Variants in COBLL1 observed in about 807,000 individuals in gnomAD.
COBLL1 encodes the protein cordon-bleu WH2 repeat protein like 1, also known as cordon-bleu protein-like 1.
Under a neutral mutation model 94.8 loss-of-function variants are expected in COBLL1, and 50 were observed. The observed-to-expected ratio is 0.53, with a 90% CI of 0.42 to 0.67. The LOEUF is 0.67. Among genes scored for constraint, COBLL1 ranks in the 30% least tolerant of loss-of-function variants. The pLI is 0.00. For synonymous variants in COBLL1, 448 were observed against 473.8 expected (o/e 0.95, Z 0.71); for missense variants, 1,362 against 1,348.7 (o/e 1.01, Z -0.15).
At chr2:164,706,912 A>C (rs937311855) in intron 7 of COBLL1, among the ~76,000 whole-genome samples, 1 of 152,134 alleles carries the variant, frequency 6.6e-6, no homozygotes, top group Non-Finnish European at 1.5e-5. Context: ...AAAACCCACT[A>C]ATAGTTCCCT....
rs1442103165 is a variant in COBLL1 at position 164,681,754 on chromosome 2, AAAGT to A, written c.*4188_*4191del. ...GTAGCATTTTTTTTCTTCTCCAAGA[AAAGT>A]AATTAGCAAGACTTACAAATGATTT... On this transcript the variant is annotated 3_prime_UTR_variant, in exon 14 of 14. Transcript: ENST00000652658. 1 of 152,200 alleles carries A rather than the reference AAAGT, an allele frequency of 6.6e-6. No homozygotes were observed. The highest frequency in any genetic ancestry group is 2.4e-5 in the African/African-American group (1 of 41,458). The allele number at this position is 152,200 out of a possible 1,614,324, so 9.4% of individuals were successfully genotyped here.
At chr2:164,754,311 C>T (rs1385234043) in intron 2 of COBLL1, among the ~76,000 whole-genome samples, 1 of 152,116 alleles carries the variant, frequency 6.6e-6, no homozygotes, top group Admixed American at 6.5e-5. Flanking sequence ...CAGTCTCCTC[C>T]CTTTGTACGT....
intron 2 of COBLL1, chr2:164,771,828 A>G (rs2105251518): frequency 6.6e-6 from 1 of 152,138 alleles, no homozygotes; most frequent in East Asian, 1.9e-4. Flanking sequence ...AAATCTACAG[A>G]AAAGTCATCC....
At position 164,803,769 on chromosome 2, in the gene COBLL1, C is replaced by T. The variant is rs75996479; in HGVS notation, c.41+37387G>A. On this transcript the variant is annotated intron_variant, in intron 2 of 13. Coordinates refer to ENST00000652658, the MANE Select transcript of COBLL1 (RefSeq NM_001365672.2). ...TAATCACAAATATGTATTATACACA[C>T]GAAGACAGCCAAGGTAGTAAGCCCT... Among the ~76,000 whole-genome samples the T allele has an allele frequency of 3.7e-3, 566 of 152,010 alleles. 7 individuals carry two copies. Among genetic ancestry groups the T allele is most frequent in the African/African-American group, 0.012 (518 of 41,466 alleles).
rs972452374 is a variant in COBLL1 at position 164,745,219 on chromosome 2, G to A, written c.42-1344C>T. 3.9e-5 allele frequency among the ~76,000 whole-genome samples: 6 copies of A among 152,046 alleles called. No individual in the cohort carries two copies. In the East Asian group the frequency reaches 5.8e-4, roughly 15 times the overall value. On this transcript the variant is annotated intron_variant, in intron 2 of 13. Coordinates refer to ENST00000652658, the MANE Select transcript of COBLL1 (RefSeq NM_001365672.2). ...CAACTCCTTTAACATATGACTCATC[G>A]TGAAAAGACTGAAGCAAGGTTCCTA...
intron 2 of COBLL1, among the ~76,000 whole-genome samples, chr2:164,789,520 A>C (rs947171161): frequency 2.0e-4 from 30 of 152,128 alleles, no homozygotes; most frequent in African/African-American, 7.0e-4. Flanking sequence ...GAGGAATAAG[A>C]ATATGTGGGG....
At position 164,807,925 on chromosome 2, in the gene COBLL1, T is replaced by G. The variant is rs186888096; in HGVS notation, c.41+33231A>C. Among the ~76,000 whole-genome samples the G allele has an allele frequency of 3.4e-3, 511 of 152,244 alleles. 1 individual carries two copies. Among genetic ancestry groups the G allele is most frequent in the Admixed American group, 5.7e-3 (87 of 15,288 alleles). ...ACCTCTGCCTCCCAGGTTCAAGCAA[T>G]TCTTGTGCCTCAGTCCCCCGAGTAG... On this transcript the variant is annotated intron_variant, in intron 2 of 13. Transcript: ENST00000652658.
chr2:164,786,534 A>C (rs1688964072), intron 2 of COBLL1, among the ~76,000 whole-genome samples: 2 of 152,188 alleles, frequency 1.3e-5, no homozygotes, highest in African/African-American at 4.8e-5. Context: ...AACAGCAAGC[A>C]GCTCAGTTTC....
chr2:164,705,255 A>G (rs6738916), intron 7 of COBLL1, 150 bp from the exon 8 acceptor site: 43,144 of 492,042 alleles, frequency 0.088, 3,156 homozygotes, highest in African/African-American at 0.29. Flanking sequence ...TCTGCCACAC[A>G]CAGAAGCTGG....
At chr2:164,769,706 G>C (rs1688111688) in intron 2 of COBLL1, among the ~76,000 whole-genome samples, 1 of 152,042 alleles carries the variant, frequency 6.6e-6, no homozygotes, top group Non-Finnish European at 1.5e-5. Flanking sequence ...TTTAAAAAGA[G>C]TAATTGCACA....
intron 5 of COBLL1, chr2:164,724,637 C>T (rs987823840): frequency 6.6e-6 from 1 of 152,046 alleles, no homozygotes; most frequent in African/African-American, 2.4e-5. Flanking sequence ...AATATAATTT[C>T]AATAACATTT....
chr2:164,807,835 A>G (rs1684253923), intron 2 of COBLL1, among the ~76,000 whole-genome samples: 1 of 151,490 alleles, frequency 6.6e-6, no homozygotes, highest in Non-Finnish European at 1.5e-5. Context: ...ATTTTATTTC[A>G]TTTTGTGACA....
intron 13 of COBLL1, chr2:164,687,626 G>T: frequency 9.9e-7 from 1 of 1,014,854 alleles, no homozygotes; most frequent in South Asian, 1.3e-5. Context: ...TCAGAGACAT[G>T]AACATACATC....
intron 2 of COBLL1, among the ~76,000 whole-genome samples, chr2:164,768,141 T>G (rs976305083): frequency 6.6e-6 from 1 of 152,142 alleles, no homozygotes; most frequent in Admixed American, 6.5e-5. Context: ...GACCTGAAAC[T>G]TGATTTTTTT....
At chr2:164,715,443 A>G (rs1685116192) in intron 7 of COBLL1, among the ~76,000 whole-genome samples, 1 of 152,112 alleles carries the variant, frequency 6.6e-6, no homozygotes, top group South Asian at 2.1e-4. Context: ...GTAAAAATCT[A>G]AAAAGGGGGA....
intron 2 of COBLL1, among the ~76,000 whole-genome samples, chr2:164,764,540 AG>A (rs1281273076): frequency 1.3e-5 from 2 of 152,206 alleles, no homozygotes; most frequent in African/African-American, 4.8e-5. Context: ...AAGAGCATGT[AG>A]TTATGGTCTG....
At chr2:164,818,385 T>C (rs1272122328) in intron 2 of COBLL1, among the ~76,000 whole-genome samples, 3 of 150,436 alleles carry the variant, frequency 2.0e-5, no homozygotes, top group Admixed American at 6.6e-5. Context: ...TATGTGTGCA[T>C]GTACATATAC....
At chr2:164,782,065 T>G (rs1363510930) in intron 2 of COBLL1, among the ~76,000 whole-genome samples, 2 of 152,190 alleles carry the variant, frequency 1.3e-5, no homozygotes, top group African/African-American at 4.8e-5. Flanking sequence ...ACATTTTTTA[T>G]CCAGCCAACA....
rs1187183800 is a variant in COBLL1, at chr2:164,672,705, C to CAAAA, written n.127-6808_127-6805dup. Among the ~76,000 whole-genome samples, 422 of 64,860 alleles carry CAAAA rather than the reference C, an allele frequency of 6.5e-3. 5 individuals are homozygous for CAAAA. The highest frequency in any genetic ancestry group is 0.019 in the African/African-American group (366 of 19,498). 42.6% of individuals were successfully genotyped at this position (64,860 alleles called of 152,430 possible). On this transcript the variant is annotated intron_variant and non_coding_transcript_variant, in intron 1 of 2. Coordinates refer to the COBLL1 transcript ENST00000495084. ...TGGGCGACAGAGCGAGACTCCGTCT[C>CAAAA]AAAAAAAAAAAAAAAAAAAAAAAAT...
Sources: gnomAD v4.1 joint callset for allele counts (sites outside exome capture counted in the v4.1 genomes callset) on GRCh38, gnomAD v4.1.1 for gene constraint, MANE v1.5 for transcripts, NCBI Gene and HGNC (gene_info 2026-07-23, HGNC 2026-07-21) for gene names.